ERBB4: variants seen among roughly 807,000 people sequenced by gnomAD.
ERBB4 encodes the protein erb-b2 receptor tyrosine kinase 4, also known as receptor tyrosine-protein kinase erbB-4.
In ERBB4, 42 loss-of-function variants were observed where a neutral mutation model predicts 158.0. The observed-to-expected ratio is 0.27, with a 90% CI of 0.21 to 0.34. ERBB4 has a LOEUF of 0.34. Among genes scored for constraint, ERBB4 ranks in the 10% least tolerant of loss-of-function variants. ERBB4 has a pLI of 1.00. For missense variants in ERBB4, 1,333 were observed against 1,624.1 expected, an observed-to-expected ratio of 0.82 and a Z score of 3.08; for synonymous variants, 583 against 558.7, an observed-to-expected ratio of 1.04 and a Z score of -0.61.
chr2:212,485,873 A>G (rs79619061), intron 1 of ERBB4, among the ~76,000 whole-genome samples: 4,897 of 152,104 alleles, frequency 0.032, 273 homozygotes, highest in African/African-American at 0.11. Flanking sequence ...TCTTTTATAA[A>G]GGCACTAATC....
At chr2:211,982,368 C>G (rs1159289163) in intron 2 of ERBB4, among the ~76,000 whole-genome samples, 2 of 152,008 alleles carry the variant, frequency 1.3e-5, no homozygotes, top group Non-Finnish European at 2.9e-5. Context: ...ATCTTTTAAA[C>G]AGAGACCTGT....
chr2:212,042,018 G>C (rs1297110876), intron 2 of ERBB4, among the ~76,000 whole-genome samples: 1 of 151,988 alleles, frequency 6.6e-6, no homozygotes, highest in Non-Finnish European at 1.5e-5. Flanking sequence ...TTTGCCAAGA[G>C]GTTGCTTCCA....
At chr2:212,451,177 C>T (rs2092440650) in intron 1 of ERBB4, among the ~76,000 whole-genome samples, 2 of 152,024 alleles carry the variant, frequency 1.3e-5, no homozygotes, top group Non-Finnish European at 1.5e-5. Context: ...ATAAATGTAT[C>T]TATAGAATTG....
chr2:212,533,169 T>TTTATTTCA (rs1429458490), intron 1 of ERBB4, among the ~76,000 whole-genome samples: 1 of 152,210 alleles, frequency 6.6e-6, no homozygotes, highest in African/African-American at 2.4e-5. Context: ...TAATAAGCTC[T>TTTATTTCA]TTATTTCATT....
At chr2:211,580,897 A>C (rs1186285247) in intron 19 of ERBB4, among the ~76,000 whole-genome samples, 2 of 8,478 alleles carry the variant, frequency 2.4e-4, no homozygotes, top group African/African-American at 4.4e-4. Context: ...ATATATATAT[A>C]TATATATATA....
At chr2:211,558,273 G>A (rs992610943) in intron 20 of ERBB4, among the ~76,000 whole-genome samples, 6 of 152,090 alleles carry the variant, frequency 3.9e-5, no homozygotes, top group Non-Finnish European at 5.9e-5. Context: ...CCAGCTTCTA[G>A]AGGTGCCTAC....
At chr2:212,119,460 A>T (rs970956479) in intron 2 of ERBB4, among the ~76,000 whole-genome samples, 2 of 152,150 alleles carry the variant, frequency 1.3e-5, no homozygotes, top group Admixed American at 1.3e-4. Flanking sequence ...AGCTCCCAAG[A>T]ATTCTAATGA....
At chr2:212,138,267 A>G (rs538548577) in intron 1 of ERBB4, among the ~76,000 whole-genome samples, 1 of 152,316 alleles carries the variant, frequency 6.6e-6, no homozygotes, top group East Asian at 1.9e-4. Context: ...TATAAAAGTT[A>G]GACATCACTT....
intron 16 of ERBB4, among the ~76,000 whole-genome samples, chr2:211,631,602 G>A (rs1162685516): frequency 1.3e-5 from 2 of 152,138 alleles, no homozygotes; most frequent in Non-Finnish European, 2.9e-5. Context: ...TCACTTCTTA[G>A]CTAATTTTTT....
chr2:211,750,319 T>G (rs1203285029), intron 5 of ERBB4, among the ~76,000 whole-genome samples: 1 of 152,204 alleles, frequency 6.6e-6, no homozygotes, highest in East Asian at 1.9e-4. Flanking sequence ...CCAGTTAACC[T>G]GAAATTGAGT....
chr2:212,147,533 G>T (rs77302006), intron 1 of ERBB4, among the ~76,000 whole-genome samples: 138 of 151,896 alleles, frequency 9.1e-4, no homozygotes, highest in African/African-American at 3.1e-3. Flanking sequence ...AAGCACACAG[G>T]ATAAAACTCA....
intron 20 of ERBB4, among the ~76,000 whole-genome samples, chr2:211,540,408 T>C (rs2066771105): frequency 6.6e-6 from 1 of 151,854 alleles, no homozygotes; most frequent in Non-Finnish European, 1.5e-5. Context: ...AAATAGATGT[T>C]TTAAGTTCCA....
intron 21 of ERBB4, among the ~76,000 whole-genome samples, chr2:211,429,018 A>ATTTATT (rs2063694761): frequency 1.3e-5 from 2 of 151,778 alleles, no homozygotes; most frequent in African/African-American, 2.4e-5. Flanking sequence ...GGTCATACTT[A>ATTTATT]TTTTTTTAAA....
At chr2:211,569,311 C>T (rs2067644313) in intron 19 of ERBB4, among the ~76,000 whole-genome samples, 1 of 152,134 alleles carries the variant, frequency 6.6e-6, no homozygotes, top group African/African-American at 2.4e-5. Flanking sequence ...GAAATTCCAT[C>T]TTTATGATAT....
intron 4 of ERBB4, among the ~76,000 whole-genome samples, chr2:211,775,033 T>G (rs1016796704): frequency 2.0e-5 from 3 of 152,192 alleles, no homozygotes; most frequent in African/African-American, 4.8e-5. Flanking sequence ...GTGCTAATAA[T>G]TTTTACTCTC....
chr2:212,099,812 CT>C (rs529318128), intron 2 of ERBB4, among the ~76,000 whole-genome samples: 57 of 141,682 alleles, frequency 4.0e-4, no homozygotes, highest in Non-Finnish European at 7.4e-4. Flanking sequence ...TCTCTCTTTT[CT>C]TTTTTTCCTG....
intron 1 of ERBB4, among the ~76,000 whole-genome samples, chr2:212,319,796 T>C (rs2087474271): frequency 6.6e-6 from 1 of 150,424 alleles, no homozygotes; most frequent in Non-Finnish European, 1.5e-5. Flanking sequence ...TCTCTTTATG[T>C]AAACAATGCC....
intron 19 of ERBB4, among the ~76,000 whole-genome samples, chr2:211,591,911 G>C (rs866860308): frequency 6.6e-6 from 1 of 150,914 alleles, no homozygotes; most frequent in Non-Finnish European, 1.5e-5. Context: ...ACCTTGTTGA[G>C]GTTGTGTTGT....
At position 211,701,756 on chromosome 2, in the gene ERBB4, CAAAAAAAAAAAAAA is replaced by C. The variant is rs71409856; in HGVS notation, c.1489+197_1489+210del. ...GGGGCAACAGAGCGAGACTCCGTCTCAAAAAAAAAAAAAAAAAAAAAAAAAAAAGAAAGTCACTT... is the reference window on the plus strand; with the variant it reads ...GGGGCAACAGAGCGAGACTCCGTCTCAAAAAAAAAAAAAAGAAAGTCACTT... On this transcript the variant is annotated intron_variant, in intron 12 of 27. Transcript: ENST00000342788. Among the ~76,000 whole-genome samples the C allele has an allele frequency of 3.3e-3, 222 of 66,654 alleles. 1 individual carries two copies. The highest frequency in any genetic ancestry group is 0.011 in the Middle Eastern group (1 of 88). 43.7% of individuals were successfully genotyped at this position (66,654 alleles called of 152,430 possible).
Sources: gnomAD v4.1 joint callset for allele counts (sites outside exome capture counted in the v4.1 genomes callset) on GRCh38, gnomAD v4.1.1 for gene constraint, MANE v1.5 for transcripts, NCBI Gene and HGNC (gene_info 2026-07-23, HGNC 2026-07-21) for gene names.